The following ROR1 variants were observed in gnomAD, a reference collection of about 807,000 sequenced individuals.
ROR1 encodes the protein inactive tyrosine-protein kinase transmembrane receptor ROR1.
Under a neutral mutation model 78.8 loss-of-function variants are expected in ROR1, and 19 were observed. The observed-to-expected ratio is 0.24, with a 90% CI of 0.17 to 0.35. The LOEUF is 0.35. Ranked by LOEUF, ROR1 falls within the 10% of genes least tolerant of loss-of-function variation. The probability of loss-of-function intolerance (pLI) is 1.00; values close to 1 mark genes in which losing one functional copy is unlikely to be tolerated. For synonymous variants in ROR1, 386 were observed against 433.6 expected, an observed-to-expected ratio of 0.89 and a Z score of 1.36; for missense variants, 917 against 1,177.8, an observed-to-expected ratio of 0.78 and a Z score of 3.24.
chr1:64,027,419 A>T (rs934091725), intron 2 of ROR1, among the ~76,000 whole-genome samples: 1 of 152,126 alleles, frequency 6.6e-6, no homozygotes, highest in African/African-American at 2.4e-5. Context: ...CATAACATCA[A>T]CTTATTAACT....
chr1:63,809,228 T>C (rs1386405611), intron 1 of ROR1, among the ~76,000 whole-genome samples: 1 of 152,148 alleles, frequency 6.6e-6, no homozygotes, highest in East Asian at 1.9e-4. Flanking sequence ...CAATGCTAGG[T>C]ACCAGGGAAT....
At position 63,987,852 on chromosome 1, in the gene ROR1, G is replaced by A. The variant is rs1192429221; in HGVS notation, c.92-21453G>A. 5.3e-5 allele frequency among the ~76,000 whole-genome samples: 8 copies of A among 152,238 alleles called. No individual in the cohort carries two copies. In the East Asian group the frequency reaches 9.7e-4, roughly 18 times the overall value. Reference sequence around the variant, plus strand: ...CCAGGCTATTTGTACATTAGTCAACGTCAATGGAAGTAAAATAGCAAATTG... The same window carrying A: ...CCAGGCTATTTGTACATTAGTCAACATCAATGGAAGTAAAATAGCAAATTG... On this transcript the variant is annotated intron_variant, in intron 1 of 8. Coordinates refer to ENST00000371079, the MANE Select transcript of ROR1 (RefSeq NM_005012.4).
chr1:63,990,493 T>C (rs1009853802), intron 1 of ROR1, among the ~76,000 whole-genome samples: 4 of 71,424 alleles, frequency 5.6e-5, no homozygotes, highest in African/African-American at 1.6e-4. Flanking sequence ...TTGAAAGAAT[T>C]CTGGATTTAC....
At position 63,774,526 on chromosome 1, in the gene ROR1, G is replaced by A; in HGVS notation, c.91+18G>A. On this transcript the variant is annotated intron_variant, in intron 1 of 8. Coordinates refer to ENST00000371079, the MANE Select transcript of ROR1 (RefSeq NM_005012.4). This position sits in a 1 kb window ranked among gnomAD's most constrained non-coding sequence, Gnocchi z 5.7. Reference sequence around the variant, plus strand: ...TGCCCAAGGTAAGAGGCGCCCGCCGGCCCCCGCCCGCCCAGACCCCCTGAC... The same window carrying A: ...TGCCCAAGGTAAGAGGCGCCCGCCGACCCCCGCCCGCCCAGACCCCCTGAC... 9.2e-7 allele frequency: 1 copy of A among 1,091,014 alleles called. No individual in the cohort carries two copies. Among genetic ancestry groups the A allele is most frequent in the South Asian group, 4.1e-5 (1 of 24,556 alleles). 67.6% of individuals were successfully genotyped at this position (1,091,014 alleles called of 1,614,324 possible).
rs1026731768 is a variant in ROR1, at chr1:64,162,083, C to T, written c.1386+2891C>T. Among the ~76,000 whole-genome samples the T allele has an allele frequency of 3.5e-4, 53 of 152,116 alleles. 1 individual carries two copies. The highest frequency in any genetic ancestry group is 1.5e-4 in the Non-Finnish European group (10 of 68,028). On this transcript the variant is annotated intron_variant, in intron 8 of 8. Coordinates refer to ENST00000371079, the MANE Select transcript of ROR1 (RefSeq NM_005012.4). ...AGAAAAGTCCTGAAAACAAACACTC[C>T]ACCAGAGCAAAATCAAAAGAATATT...
chr1:64,163,424 G>C lies in ROR1; in HGVS notation c.1386+4232G>C, dbSNP rs937305175. Among the ~76,000 whole-genome samples the C allele has an allele frequency of 5.4e-5, 8 of 149,096 alleles. No individual in the cohort carries two copies. In the South Asian group the frequency reaches 1.7e-3, roughly 31 times the overall value. ...CAGAGTGAGACTCATCTCAAAAAAA[G>C]AAAAAAAGATGGAGGAGTCTGAGAA... On this transcript the variant is annotated intron_variant, in intron 8 of 8. Transcript: ENST00000371079.
At chr1:63,788,814 A>G in intron 1 of ROR1, 1 of 632,920 alleles carries the variant, frequency 1.6e-6, no homozygotes. Flanking sequence ...CCTTGGTCTT[A>G]GACCTCTGGG....
At chr1:64,151,651 T>A (rs1465781206) in intron 7 of ROR1, among the ~76,000 whole-genome samples, 1 of 151,324 alleles carries the variant, frequency 6.6e-6, no homozygotes, top group Non-Finnish European at 1.5e-5. Flanking sequence ...GGCGGGCAGA[T>A]CATTTAAGGT....
At chr1:63,963,590 A>C (rs1057302372) in intron 1 of ROR1, among the ~76,000 whole-genome samples, 1 of 151,168 alleles carries the variant, frequency 6.6e-6, no homozygotes, top group African/African-American at 2.5e-5. Context: ...ACAAAACAAA[A>C]AAAAAAACAA....
intron 1 of ROR1, among the ~76,000 whole-genome samples, chr1:63,877,668 G>A (rs1557540338): frequency 6.6e-6 from 1 of 151,976 alleles, no homozygotes; most frequent in Non-Finnish European, 1.5e-5. Context: ...GCAGGCCGGA[G>A]GAGATCTCTA....
intron 1 of ROR1, among the ~76,000 whole-genome samples, chr1:63,976,211 A>G (rs756110931): frequency 5.3e-5 from 8 of 152,188 alleles, no homozygotes; most frequent in Non-Finnish European, 1.0e-4. Context: ...ATCTTGTCTA[A>G]TTCTCTTACA....
intron 1 of ROR1, among the ~76,000 whole-genome samples, chr1:63,823,524 G>A (rs755204995): frequency 2.9e-5 from 4 of 136,552 alleles, no homozygotes; most frequent in Non-Finnish European, 6.0e-5. Flanking sequence ...ATCATAGCTC[G>A]TTGTAACCTC....
intron 1 of ROR1, among the ~76,000 whole-genome samples, chr1:63,885,221 A>G (rs2100380465): frequency 6.6e-6 from 1 of 152,284 alleles, no homozygotes; most frequent in Middle Eastern, 3.4e-3. Flanking sequence ...GTGACCAAAG[A>G]TTTAGAAATG....
At chr1:63,790,908 G>A (rs985917382) in intron 1 of ROR1, among the ~76,000 whole-genome samples, 1 of 152,168 alleles carries the variant, frequency 6.6e-6, no homozygotes, top group African/African-American at 2.4e-5. Context: ...GGCCAGAAAT[G>A]CCCCCTTGTC....
intron 1 of ROR1, among the ~76,000 whole-genome samples, chr1:63,830,454 A>G (rs1278866320): frequency 6.6e-6 from 1 of 152,154 alleles, no homozygotes; most frequent in Non-Finnish European, 1.5e-5. Context: ...GAAGCGAGGC[A>G]TGTCTTACAT....
intron 1 of ROR1, among the ~76,000 whole-genome samples, chr1:63,878,353 C>T (rs140884537): frequency 0.022 from 3,287 of 152,240 alleles, 69 homozygotes; most frequent in African/African-American, 0.048. Context: ...CATTCCTTGA[C>T]GATGAGGAAC....
intron 2 of ROR1, among the ~76,000 whole-genome samples, chr1:64,021,154 T>G (rs1179058746): frequency 1.3e-5 from 2 of 152,138 alleles, no homozygotes; most frequent in South Asian, 4.1e-4. Flanking sequence ...TTTCATTATC[T>G]GTGGGCCCAA....
intron 1 of ROR1, among the ~76,000 whole-genome samples, chr1:63,796,292 C>T (rs1447327758): frequency 2.0e-5 from 3 of 152,204 alleles, no homozygotes; most frequent in Admixed American, 1.3e-4. Flanking sequence ...CTTGCCTTCT[C>T]TGATCCTCAG....
chr1:63,860,602 C>CACACACACACACACAT (rs1249309148), intron 1 of ROR1, among the ~76,000 whole-genome samples: 25 of 148,772 alleles, frequency 1.7e-4, no homozygotes, highest in African/African-American at 5.8e-4. Flanking sequence ...CACACACACA[C>CACACACACACACACAT]ACATACACAC....
Sources: gnomAD v4.1 joint callset for allele counts (sites outside exome capture counted in the v4.1 genomes callset) on GRCh38, gnomAD v4.1.1 for gene constraint, Gnocchi (gnomAD v3.1) non-coding constraint, MANE v1.5 for transcripts, NCBI Gene and HGNC (gene_info 2026-07-23, HGNC 2026-07-21) for gene names.